PIBF1: variants seen among roughly 807,000 people sequenced by gnomAD.
The protein encoded by PIBF1 is progesterone immunomodulatory binding factor 1.
Under a neutral mutation model 112.5 loss-of-function variants are expected in PIBF1, and 90 were observed. The observed-to-expected ratio is 0.80, with a 90% CI of 0.67 to 0.95. PIBF1 has a LOEUF of 0.95. PIBF1 is among the 40% of genes least tolerant of loss of function. The pLI is 0.00. For synonymous variants in PIBF1, 301 were observed against 288.6 expected, an observed-to-expected ratio of 1.04 and a Z score of -0.44; for missense variants, 915 against 852.3, an observed-to-expected ratio of 1.07 and a Z score of -0.92.
intron 17 of PIBF1, among the ~76,000 whole-genome samples, chr13:73,007,678 G>A (rs747435335): frequency 1.1e-4 from 16 of 151,884 alleles, no homozygotes; most frequent in East Asian, 3.9e-4. Flanking sequence ...GCGTGGTGGC[G>A]CACGCCTGTA....
chr13:72,913,552 A>G (rs1387625715), intron 12 of PIBF1, among the ~76,000 whole-genome samples: 2 of 152,140 alleles, frequency 1.3e-5, no homozygotes, highest in Non-Finnish European at 2.9e-5. Flanking sequence ...CCAAGGCAGG[A>G]CGATTGCTTG....
chr13:72,902,028 A>G (rs1039962307), intron 11 of PIBF1, among the ~76,000 whole-genome samples: 10 of 25,430 alleles, frequency 3.9e-4, no homozygotes, highest in African/African-American at 1.8e-3. Context: ...GTGTGTATAC[A>G]CACACATGAT....
At chr13:72,970,773 TAGA>T (rs1248454144) in intron 15 of PIBF1, 1 of 152,154 alleles carries the variant, frequency 6.6e-6, no homozygotes, top group African/African-American at 2.4e-5. Context: ...AAATACATAC[TAGA>T]AGAAGAGTGA....
At chr13:72,906,270 T>TAA (rs1031853555) in intron 11 of PIBF1, among the ~76,000 whole-genome samples, 8 of 152,202 alleles carry the variant, frequency 5.3e-5, no homozygotes, top group African/African-American at 1.9e-4. Flanking sequence ...GTTGGCTTTA[T>TAA]ATATTTGTCT....
At chr13:72,792,917 A>T (rs1389190708) in intron 3 of PIBF1, among the ~76,000 whole-genome samples, 2 of 152,222 alleles carry the variant, frequency 1.3e-5, no homozygotes, top group Non-Finnish European at 2.9e-5. Context: ...TCTCTAGCTC[A>T]GTTGTGGGCT....
chr13:72,886,332 C>A (rs531442164), intron 10 of PIBF1, among the ~76,000 whole-genome samples: 1 of 151,720 alleles, frequency 6.6e-6, no homozygotes, highest in East Asian at 2.0e-4. Flanking sequence ...AATAAATACT[C>A]TTGGTTCGGA....
rs539825107 is a variant in PIBF1 at position 72,960,350 on chromosome 13, G to T, written c.1834-4924G>T. ...CACTTGAGTCTGGGAGGTCGAGGCT[G>T]CAGTGAGCTGTGGCTCTGCACTCTA... On this transcript the variant is annotated intron_variant, in intron 14 of 17. Transcript: ENST00000326291. Among the ~76,000 whole-genome samples the T allele has an allele frequency of 3.3e-5, 5 of 152,306 alleles. No homozygotes were observed. The East Asian group carries it at 9.6e-4, about 29-fold the overall frequency.
intron 3 of PIBF1, among the ~76,000 whole-genome samples, chr13:72,794,675 T>C (rs1460012629): frequency 2.0e-5 from 3 of 152,214 alleles, no homozygotes; most frequent in African/African-American, 7.2e-5. Flanking sequence ...TCTGCCACCA[T>C]GTAAGACATG....
chr13:72,818,273 C>T (rs1051956226), intron 5 of PIBF1, among the ~76,000 whole-genome samples: 1 of 152,126 alleles, frequency 6.6e-6, no homozygotes, highest in Non-Finnish European at 1.5e-5. Context: ...CAGTATTCTT[C>T]ATTTGCAGAC....
At chr13:72,987,712 A>C (rs192663088) in intron 16 of PIBF1, among the ~76,000 whole-genome samples, 1 of 144,406 alleles carries the variant, frequency 6.9e-6, no homozygotes, top group East Asian at 2.0e-4. Context: ...GGGTCTTGCT[A>C]TGTTGCCCAG....
At chr13:72,863,943 T>A (rs544771099) in intron 10 of PIBF1, among the ~76,000 whole-genome samples, 2 of 152,310 alleles carry the variant, frequency 1.3e-5, no homozygotes, top group African/African-American at 4.8e-5. Context: ...TTTAAAAACA[T>A]GGTTTAGGGG....
chr13:72,970,831 G>A (rs1433451035), intron 15 of PIBF1: 1 of 152,084 alleles, frequency 6.6e-6, no homozygotes, highest in African/African-American at 2.4e-5. Flanking sequence ...ACATGTTAAA[G>A]GTTGTCTCCC....
At chr13:72,973,266 C>T (rs576708079) in intron 15 of PIBF1, among the ~76,000 whole-genome samples, 2 of 143,038 alleles carry the variant, frequency 1.4e-5, no homozygotes, top group African/African-American at 5.5e-5. Flanking sequence ...CTGGGCAACA[C>T]AGCAAGACTC....
chr13:72,866,901 C>G (rs992547689), intron 10 of PIBF1, among the ~76,000 whole-genome samples: 3 of 152,018 alleles, frequency 2.0e-5, no homozygotes, highest in Non-Finnish European at 4.4e-5. Context: ...TGTATGATCA[C>G]TTAGTTTCTG....
At position 72,926,955 on chromosome 13, in the gene PIBF1, G is replaced by A. The variant is rs533676909; in HGVS notation, c.1731-4210G>A. On this transcript the variant is annotated intron_variant, in intron 13 of 17. Coordinates refer to ENST00000326291, the MANE Select transcript of PIBF1 (RefSeq NM_006346.4). ...GGTTTTTAATACATGTTTCTTCAAAGGAAGTGTTCATGAATATTTTTCGAA... is the reference window on the plus strand; with the variant it reads ...GGTTTTTAATACATGTTTCTTCAAAAGAAGTGTTCATGAATATTTTTCGAA... Among the ~76,000 whole-genome samples the A allele has an allele frequency of 2.1e-3, 317 of 152,216 alleles. 1 individual carries two copies. The highest frequency in any genetic ancestry group is 2.9e-3 in the Non-Finnish European group (200 of 68,010).
At chr13:72,793,296 A>G (rs1190011299) in intron 3 of PIBF1, among the ~76,000 whole-genome samples, 1 of 152,178 alleles carries the variant, frequency 6.6e-6, no homozygotes, top group South Asian at 2.1e-4. Context: ...AAACAGGTAA[A>G]TTTTCCCTTT....
At chr13:72,984,308 C>T (rs1411493553) in intron 16 of PIBF1, among the ~76,000 whole-genome samples, 1 of 152,010 alleles carries the variant, frequency 6.6e-6, no homozygotes, top group African/African-American at 2.4e-5. Context: ...ACTTAGGAAC[C>T]AGTTACAAAT....
chr13:72,987,861 T>TATTTATTTATTTA (rs113440808), intron 16 of PIBF1, among the ~76,000 whole-genome samples: 3 of 86,910 alleles, frequency 3.5e-5, no homozygotes, highest in African/African-American at 1.3e-4. Context: ...TTTATTTATT[T>TATTTATTTATTTA]TTTTTTTTTT....
chr13:72,998,731 C>A lies in PIBF1; in HGVS notation c.2050-91C>A, dbSNP rs1056645104. 3 of 808,848 alleles carry A rather than the reference C, an allele frequency of 3.7e-6. No individual in the cohort carries two copies. In the African/African-American group the frequency reaches 5.3e-5, roughly 14 times the overall value. The allele number at this position is 808,848 out of a possible 1,614,324, so 50.1% of individuals were successfully genotyped here. A position where few individuals can be genotyped will look rare whatever the true frequency, so the allele number is the denominator to read the frequency against. ...ACTTATGTGTGTAGTATAATTGTTT[C>A]TTCTACTTAAAAATATTTTAATATT... On this transcript the variant is annotated intron_variant, in intron 16 of 17. Transcript: ENST00000326291.
Sources: gnomAD v4.1 joint callset for allele counts (sites outside exome capture counted in the v4.1 genomes callset) on GRCh38, gnomAD v4.1.1 for gene constraint, MANE v1.5 for transcripts, NCBI Gene and HGNC (gene_info 2026-07-23, HGNC 2026-07-21) for gene names.